Variants in EYA2 observed in about 807,000 individuals in gnomAD.
EYA2 encodes protein phosphatase EYA2.
Under a neutral mutation model 69.2 loss-of-function variants are expected in EYA2, and 31 were observed. The ratio of observed to expected loss-of-function variants is 0.45; its 90% CI spans 0.34 to 0.60. The LOEUF (loss-of-function observed/expected upper bound fraction) is 0.60, where lower values mean the gene tolerates loss of function less well. EYA2 is among the 20% of genes least tolerant of loss of function. The pLI is 0.02. For missense variants in EYA2, 622 were observed against 701.2 expected (o/e 0.89, Z 1.28); for synonymous variants, 257 against 279.4 (o/e 0.92, Z 0.80).
intron 3 of EYA2, among the ~76,000 whole-genome samples, chr20:47,004,629 G>A (rs989134647): frequency 6.6e-6 from 1 of 152,198 alleles, no homozygotes; most frequent in Non-Finnish European, 1.5e-5. Flanking sequence ...GCTATCAAAA[G>A]AGGAGAAAGG....
chr20:46,990,989 C>G (rs182208479), intron 2 of EYA2, among the ~76,000 whole-genome samples: 3 of 152,234 alleles, frequency 2.0e-5, no homozygotes, highest in Non-Finnish European at 2.9e-5. Context: ...TGACATTTCT[C>G]CTTGCATGCT....
chr20:47,179,769 G>A (rs2034502347), intron 12 of EYA2, 29 bp from the exon 13 acceptor site: 1 of 1,506,408 alleles, frequency 6.6e-7, no homozygotes, highest in Non-Finnish European at 9.2e-7. Context: ...CTAATACGAT[G>A]ACTACATCTT....
intron 1 of EYA2, among the ~76,000 whole-genome samples, chr20:46,954,796 G>A (rs886475661): frequency 3.9e-5 from 6 of 152,318 alleles, no homozygotes; most frequent in African/African-American, 9.6e-5. Context: ...AGGGAAATAG[G>A]TTCTGCTAAC....
intron 9 of EYA2, among the ~76,000 whole-genome samples, chr20:47,131,116 A>C (rs1324189542): frequency 6.6e-6 from 1 of 152,148 alleles, no homozygotes; most frequent in Admixed American, 6.5e-5. Context: ...AAAATACTCT[A>C]TGTTTACTTC....
chr20:47,125,212 C>T (rs1020392089), intron 9 of EYA2, among the ~76,000 whole-genome samples: 5 of 152,090 alleles, frequency 3.3e-5, no homozygotes, highest in African/African-American at 1.2e-4. Context: ...TGCCACTATG[C>T]CCGGCTAATT....
intron 10 of EYA2, among the ~76,000 whole-genome samples, chr20:47,156,860 C>T (rs1170022486): frequency 6.6e-6 from 1 of 151,890 alleles, no homozygotes; most frequent in Non-Finnish European, 1.5e-5. Flanking sequence ...TTCATCGGGG[C>T]CCTGATGAGC....
At chr20:47,116,736 A>T (rs541054265) in intron 9 of EYA2, among the ~76,000 whole-genome samples, 1 of 152,176 alleles carries the variant, frequency 6.6e-6, no homozygotes, top group African/African-American at 2.4e-5. Context: ...GCCCTTCCTG[A>T]GATCACCTCC....
chr20:47,097,063 C>T, intron 8 of EYA2, 22 bp from the exon 9 acceptor site: 1 of 1,591,928 alleles, frequency 6.3e-7, no homozygotes, highest in Admixed American at 1.7e-5. Context: ...TTTCTCCATT[C>T]TCTTCCTCTC....
chr20:47,160,233 G>C (rs944245871), intron 10 of EYA2, among the ~76,000 whole-genome samples: 2 of 152,096 alleles, frequency 1.3e-5, no homozygotes, highest in Non-Finnish European at 2.9e-5. Context: ...CCTACACCAG[G>C]GGTCAACAAA....
At chr20:47,098,798 C>T (rs555307839) in intron 9 of EYA2, among the ~76,000 whole-genome samples, 164 of 152,364 alleles carry the variant, frequency 1.1e-3, no homozygotes, top group Non-Finnish European at 2.0e-3. Context: ...GGCCATATCA[C>T]TCTCCAGCCG....
chr20:46,992,052 A>C (rs1330094187), intron 2 of EYA2, among the ~76,000 whole-genome samples: 1 of 148,652 alleles, frequency 6.7e-6, no homozygotes, highest in Non-Finnish European at 1.5e-5. Flanking sequence ...AGGAGCTGAG[A>C]GGCTGCTGTC....
At chr20:47,063,390 T>TGC (rs1339545067) in intron 5 of EYA2, among the ~76,000 whole-genome samples, 3 of 114,056 alleles carry the variant, frequency 2.6e-5, no homozygotes, top group East Asian at 2.4e-4. Context: ...TGTGTGCGTG[T>TGC]GCGTGTGTGT....
intron 7 of EYA2, among the ~76,000 whole-genome samples, chr20:47,084,167 A>G (rs988696617): frequency 6.6e-6 from 1 of 151,910 alleles, no homozygotes; most frequent in Non-Finnish European, 1.5e-5. Flanking sequence ...AATCGCTTGA[A>G]CCCAGGAGGC....
Position 46,973,796 on chromosome 20 carries a change from A to AG in EYA2, c.-10-16203dup, listed in dbSNP as rs1246246480. On this transcript the variant is annotated intron_variant, in intron 1 of 15. Coordinates refer to ENST00000327619, the MANE Select transcript of EYA2 (RefSeq NM_005244.5). ...GAAGCCGTCTGACCAAAAGAGAAGGAGGAAAAAAAAAAAACCCTCATCGTA... is the reference window on the plus strand; with the variant it reads ...GAAGCCGTCTGACCAAAAGAGAAGGAGGGAAAAAAAAAAAACCCTCATCGTA... Among the ~76,000 whole-genome samples, 19 of 144,818 alleles carry AG rather than the reference A, an allele frequency of 1.3e-4. No individual in the cohort carries two copies. In the East Asian group the frequency reaches 3.8e-3, roughly 29 times the overall value.
At chr20:46,940,545 C>T (rs1299639638) in intron 1 of EYA2, among the ~76,000 whole-genome samples, 1 of 152,194 alleles carries the variant, frequency 6.6e-6, no homozygotes, top group Admixed American at 6.5e-5. Flanking sequence ...CATATCTATG[C>T]CACAGATACA....
chr20:46,958,611 C>T (rs548618638), intron 1 of EYA2, among the ~76,000 whole-genome samples: 7 of 152,184 alleles, frequency 4.6e-5, no homozygotes, highest in African/African-American at 1.7e-4. Context: ...GGCAAACTTG[C>T]GTCATGGAGG....
chr20:47,135,825 AAAAAAAAAAAAAAAAACAAACAAACAAAC>A (rs1478280624), intron 9 of EYA2, among the ~76,000 whole-genome samples: 3,142 of 110,436 alleles, frequency 0.028, 205 homozygotes, highest in African/African-American at 0.14. Context: ...CTACAAAAAA[AAAAAAAAAAAAAAAAACAAACAAACAAAC>A]AAAAAACTAA....
intron 10 of EYA2, among the ~76,000 whole-genome samples, chr20:47,150,335 CA>C (rs2033798702): frequency 6.6e-6 from 1 of 152,330 alleles, no homozygotes; most frequent in Admixed American, 6.5e-5. Context: ...AATTAGGATA[CA>C]AGCTCATCAA....
intron 5 of EYA2, among the ~76,000 whole-genome samples, chr20:47,046,633 G>A (rs1039289436): frequency 3.9e-5 from 6 of 152,180 alleles, no homozygotes; most frequent in Non-Finnish European, 5.9e-5. Context: ...CTAGCCAAGC[G>A]TGTATGGATT....
Sources: gnomAD v4.1 joint callset for allele counts (sites outside exome capture counted in the v4.1 genomes callset) on GRCh38, gnomAD v4.1.1 for gene constraint, MANE v1.5 for transcripts, NCBI Gene and HGNC (gene_info 2026-07-23, HGNC 2026-07-21) for gene names.